Variants in RC3H2 observed in about 807,000 individuals in gnomAD.
The protein encoded by RC3H2 is roquin-2.
In RC3H2, 31 loss-of-function variants were observed where a neutral mutation model predicts 133.3. That is an observed-to-expected ratio of 0.23 (90% confidence interval 0.17 to 0.31). RC3H2 has a LOEUF of 0.31. RC3H2 is among the 10% of genes least tolerant of loss of function. The pLI, the probability that RC3H2 is intolerant of heterozygous loss-of-function variation, is 1.00. For missense variants in RC3H2, 1,175 were observed against 1,437.2 expected, an observed-to-expected ratio of 0.82 and a Z score of 2.95; for synonymous variants, 517 against 502.2, an observed-to-expected ratio of 1.03 and a Z score of -0.40.
At chr9:122,902,858 A>C (rs1175589513) in intron 1 of RC3H2, among the ~76,000 whole-genome samples, 3 of 152,068 alleles carry the variant, frequency 2.0e-5, no homozygotes, top group Non-Finnish European at 4.4e-5. Flanking sequence ...CAAAAAAAAA[A>C]AAAAAAAAGT....
intron 4 of RC3H2, among the ~76,000 whole-genome samples, chr9:122,887,252 A>G (rs1831956733): frequency 6.6e-6 from 1 of 152,222 alleles, no homozygotes; most frequent in South Asian, 2.1e-4. Flanking sequence ...TCCTCAATAT[A>G]TAAGAACTCT....
intron 1 of RC3H2, among the ~76,000 whole-genome samples, chr9:122,898,545 C>T (rs1228903556): frequency 6.6e-6 from 1 of 151,926 alleles, no homozygotes; most frequent in Non-Finnish European, 1.5e-5. Flanking sequence ...AGGTCAGGAG[C>T]TTGAGAACAG....
chr9:122,900,823 T>C (rs1832622552), intron 1 of RC3H2, among the ~76,000 whole-genome samples: 1 of 152,190 alleles, frequency 6.6e-6, no homozygotes, highest in African/African-American at 2.4e-5. Context: ...TATTAACTAA[T>C]TTTAGTTACC....
chr9:122,882,514 G>A (rs1461225308), intron 5 of RC3H2, among the ~76,000 whole-genome samples: 1 of 152,108 alleles, frequency 6.6e-6, no homozygotes, highest in Admixed American at 6.6e-5. Flanking sequence ...GAAGCCAATA[G>A]GCCTTTCTAT....
In RC3H2 at chr9:122,846,882, C is replaced by T. The variant is rs1487326562; in HGVS notation, c.*2745G>A. 1 of 152,036 alleles carries T rather than the reference C, an allele frequency of 6.6e-6. No individual in the cohort carries two copies. The highest frequency in any genetic ancestry group is 6.6e-5 in the Admixed American group (1 of 15,258). 9.4% of individuals were successfully genotyped at this position (152,036 alleles called of 1,614,324 possible). ...TCTGAAGAAGGATCAGATGAACTGC[C>T]CTTTCTTCGAAAGTGGCAGAGAACC... On this transcript the variant is annotated 3_prime_UTR_variant, in exon 21 of 21. Transcript: ENST00000357244.
intron 9 of RC3H2, 90 bp from the exon 10 acceptor site, chr9:122,865,747 A>G: frequency 9.1e-7 from 1 of 1,097,092 alleles, no homozygotes; most frequent in South Asian, 1.5e-5. Flanking sequence ...AATAGATTGA[A>G]AAAGGAGGAA....
chr9:122,867,410 G>A (rs558929235), intron 9 of RC3H2, among the ~76,000 whole-genome samples: 1 of 145,244 alleles, frequency 6.9e-6, no homozygotes, highest in Non-Finnish European at 1.5e-5. Flanking sequence ...AGGGAGGTTG[G>A]GGGGTCAGCA....
chr9:122,871,017 C>G (rs578162123), intron 9 of RC3H2, among the ~76,000 whole-genome samples: 1 of 152,294 alleles, frequency 6.6e-6, no homozygotes, highest in African/African-American at 2.4e-5. Context: ...TTCAACCACC[C>G]CTCCTACAGC....
intron 9 of RC3H2, chr9:122,875,365 A>G: frequency 3.2e-6 from 5 of 1,547,716 alleles, no homozygotes; most frequent in Non-Finnish European, 3.5e-6. Context: ...CACGGGGGTT[A>G]CACTTATGTA....
intron 10 of RC3H2, 135 bp downstream of exon 10, chr9:122,865,214 A>T: frequency 2.5e-6 from 2 of 792,076 alleles, no homozygotes; most frequent in Non-Finnish European, 3.9e-6. Context: ...TTTAGTATTT[A>T]GTGTTTCTTC....
chr9:122,866,964 C>A (rs1055632817), intron 9 of RC3H2, among the ~76,000 whole-genome samples: 13 of 143,920 alleles, frequency 9.0e-5, no homozygotes, highest in Non-Finnish European at 1.5e-4. Context: ...TGAGGAGCGT[C>A]TCTGCCCGGC....
intron 4 of RC3H2, among the ~76,000 whole-genome samples, chr9:122,885,739 T>C (rs983573773): frequency 6.6e-6 from 1 of 152,228 alleles, no homozygotes; most frequent in African/African-American, 2.4e-5. Context: ...CCATCAACTT[T>C]GTCTAATTTA....
chr9:122,880,356 T>C (rs1831565108), intron 6 of RC3H2: 2 of 749,950 alleles, frequency 2.7e-6, no homozygotes, highest in Non-Finnish European at 2.3e-6. Flanking sequence ...AGAATATAGA[T>C]AAATTTGAGA....
chr9:122,904,396 C>T (rs1194141001), intron 1 of RC3H2, among the ~76,000 whole-genome samples: 1 of 152,190 alleles, frequency 6.6e-6, no homozygotes, highest in Non-Finnish European at 1.5e-5. Flanking sequence ...CTTCTCCCAT[C>T]CTGAAAGCTA....
intron 10 of RC3H2, among the ~76,000 whole-genome samples, chr9:122,863,323 T>C (rs928898878): frequency 6.6e-6 from 1 of 152,212 alleles, no homozygotes; most frequent in Non-Finnish European, 1.5e-5. Flanking sequence ...CCAAAAATCT[T>C]CAAAAGCTTA....
chr9:122,863,909 G>A (rs1480488292), intron 10 of RC3H2, among the ~76,000 whole-genome samples: 1 of 152,136 alleles, frequency 6.6e-6, no homozygotes, highest in Non-Finnish European at 1.5e-5. Context: ...GGCTAATTTT[G>A]TATTTTTAGT....
Position 122,851,244 on chromosome 9 carries a change from T to G in RC3H2, c.3232-15A>C, listed in dbSNP as rs778913688. 1 of 1,613,590 alleles carries G rather than the reference T, an allele frequency of 6.2e-7. No homozygotes were observed. Among genetic ancestry groups the G allele is most frequent in the Non-Finnish European group, 8.5e-7 (1 of 1,179,512 alleles). ...TCCAAGATCTCCTAAGAAAATAAAATGTTAATCCTTCAGTATGAAAGTATT... is the reference window on the plus strand; with the variant it reads ...TCCAAGATCTCCTAAGAAAATAAAAGGTTAATCCTTCAGTATGAAAGTATT... On this transcript the variant is annotated splice_polypyrimidine_tract_variant and intron_variant, in intron 19 of 20. Transcript: ENST00000357244.
chr9:122,897,123 C>A (rs1028778051), intron 2 of RC3H2, among the ~76,000 whole-genome samples, 156 bp downstream of exon 2: 2 of 150,226 alleles, frequency 1.3e-5, no homozygotes, highest in Non-Finnish European at 3.0e-5. Context: ...CAAAAAAAAT[C>A]TCACAATGTT....
Position 122,851,387 on chromosome 9 carries a change from T to C in RC3H2, c.3167A>G (p.Asp1056Gly). ...EDATDTKPDR[D>G]IELELSALDT... ...AAGTGCTGAAAGCTCTAACTCGATA[T>C]CCCTATCAGGTTTAGTATCTGTTGC... Residue 1056 changes from aspartate to glycine, a missense_variant, in exon 19 of 21, where the codon GAT (aspartate) becomes GGT (glycine). Asp to Gly is a moderately conservative substitution (Grantham distance 94, BLOSUM62 -1). Around this residue, in one of 8 missense-constraint regions of RC3H2, gnomAD observed 220 missense variants for 201.1 expected, o/e 1.09. Coordinates refer to ENST00000357244, the MANE Select transcript of RC3H2 (RefSeq NM_001100588.3). 1 of 1,614,204 alleles carries C rather than the reference T, an allele frequency of 6.2e-7. No individual in the cohort carries two copies. Among genetic ancestry groups the C allele is most frequent in the South Asian group, 1.1e-5 (1 of 91,088 alleles).
Sources: gnomAD v4.1 joint callset for allele counts (sites outside exome capture counted in the v4.1 genomes callset) on GRCh38, gnomAD v4.1.1 for gene constraint, gnomAD v4.1.1 regional missense constraint, MANE v1.5 for transcripts, NCBI Gene and HGNC (gene_info 2026-07-23, HGNC 2026-07-21) for gene names.